CAMTA1: variants seen among roughly 807,000 people sequenced by gnomAD.
CAMTA1 encodes the protein calmodulin-binding transcription activator 1.
Under a neutral mutation model 170.9 loss-of-function variants are expected in CAMTA1, and 27 were observed. The ratio of observed to expected loss-of-function variants is 0.16; its 90% CI spans 0.12 to 0.22. The LOEUF is 0.22. Among genes scored for constraint, CAMTA1 ranks in the 10% least tolerant of loss-of-function variants. The pLI, the probability that CAMTA1 is intolerant of heterozygous loss-of-function variation, is 1.00. For synonymous variants in CAMTA1, 833 were observed against 891.5 expected, an observed-to-expected ratio of 0.93 and a Z score of 1.17; for missense variants, 1,619 against 2,217.2, an observed-to-expected ratio of 0.73 and a Z score of 5.42.
At chr1:7,743,842 T>TC (rs1388987441) in intron 16 of CAMTA1, among the ~76,000 whole-genome samples, 1 of 151,620 alleles carries the variant, frequency 6.6e-6, no homozygotes, top group African/African-American at 2.4e-5. Context: ...CTTTTTTTTT[T>TC]CTGAGACGGA....
At chr1:7,550,966 A>T (rs1253571930) in intron 6 of CAMTA1, among the ~76,000 whole-genome samples, 5 of 152,044 alleles carry the variant, frequency 3.3e-5, no homozygotes, top group Non-Finnish European at 5.9e-5. Context: ...CCTTCACAGG[A>T]AGGCAAAGTA....
intron 3 of CAMTA1, among the ~76,000 whole-genome samples, chr1:6,840,505 G>A (rs1464641688): frequency 3.9e-5 from 6 of 152,194 alleles, no homozygotes; most frequent in Non-Finnish European, 7.3e-5. Flanking sequence ...CAGCTACTGC[G>A]TTGGTGCTGG....
At chr1:7,183,623 A>G (rs763357342) in intron 4 of CAMTA1, among the ~76,000 whole-genome samples, 1 of 152,248 alleles carries the variant, frequency 6.6e-6, no homozygotes, top group African/African-American at 2.4e-5. Context: ...TACATGGCAC[A>G]GTGGATACTA....
In CAMTA1 at chr1:6,949,351, G is replaced by A. The variant is rs763056021; in HGVS notation, c.234+124141G>A. On this transcript the variant is annotated intron_variant, in intron 3 of 22. Coordinates refer to ENST00000303635, the MANE Select transcript of CAMTA1 (RefSeq NM_015215.4). Reference sequence around the variant, plus strand: ...TTCTGCTGACATCATGGGAGATCCCGCTTTGAACGCCCTCGAGGGCAGACA... The same window carrying A: ...TTCTGCTGACATCATGGGAGATCCCACTTTGAACGCCCTCGAGGGCAGACA... 2.0e-5 allele frequency among the ~76,000 whole-genome samples: 3 copies of A among 152,218 alleles called. No homozygotes were observed. The South Asian group carries it at 6.2e-4, about 31-fold the overall frequency.
At chr1:7,062,748 C>T (rs1158221299) in intron 3 of CAMTA1, among the ~76,000 whole-genome samples, 1 of 152,234 alleles carries the variant, frequency 6.6e-6, no homozygotes, top group Non-Finnish European at 1.5e-5. Context: ...CGAGGCCCGA[C>T]CTCCAAGTCC....
At chr1:7,292,418 T>C (rs1673279289) in intron 5 of CAMTA1, among the ~76,000 whole-genome samples, 1 of 152,194 alleles carries the variant, frequency 6.6e-6, no homozygotes, top group Non-Finnish European at 1.5e-5. Context: ...TGTGGATCTT[T>C]ATGGGAATTG....
chr1:6,871,287 C>T (rs1039415046), intron 3 of CAMTA1, among the ~76,000 whole-genome samples: 1 of 152,118 alleles, frequency 6.6e-6, no homozygotes, highest in African/African-American at 2.4e-5. Flanking sequence ...TTTATTTTAT[C>T]ATGTATCACT....
chr1:7,206,143 A>G (rs935135928), intron 4 of CAMTA1, among the ~76,000 whole-genome samples: 4 of 152,214 alleles, frequency 2.6e-5, no homozygotes, highest in South Asian at 2.1e-4. Context: ...TTATGTTCCC[A>G]TTGAGGCTTT....
chr1:7,669,477 C>A (rs1170596770), intron 9 of CAMTA1, among the ~76,000 whole-genome samples: 1 of 152,246 alleles, frequency 6.6e-6, no homozygotes, highest in Non-Finnish European at 1.5e-5. Flanking sequence ...CCAGGAGAGG[C>A]CAAGCAAGAA....
chr1:7,096,333 A>C (rs745562864), intron 4 of CAMTA1, among the ~76,000 whole-genome samples: 7 of 152,066 alleles, frequency 4.6e-5, no homozygotes, highest in Non-Finnish European at 7.4e-5. Context: ...TGGACATCAA[A>C]CTGTGATCCT....
intron 3 of CAMTA1, among the ~76,000 whole-genome samples, chr1:7,059,621 AAAC>A (rs1245964307): frequency 1.3e-5 from 2 of 152,066 alleles, no homozygotes; most frequent in Non-Finnish European, 2.9e-5. Context: ...CCCTGTCTCA[AAAC>A]AAAACAAAAA....
intron 3 of CAMTA1, among the ~76,000 whole-genome samples, chr1:7,043,707 T>C (rs1359737807): frequency 6.6e-6 from 1 of 152,132 alleles, no homozygotes; most frequent in Admixed American, 6.5e-5. Flanking sequence ...TGAAGGTTGG[T>C]TCCAGGGAAG....
intron 3 of CAMTA1, among the ~76,000 whole-genome samples, chr1:7,081,453 G>T (rs11120835): frequency 0.06 from 9,198 of 152,294 alleles, 315 homozygotes; most frequent in African/African-American, 0.095. Context: ...CAAAATAGAA[G>T]TTGGGGCAGT....
At chr1:7,169,522 T>G (rs932111052) in intron 4 of CAMTA1, among the ~76,000 whole-genome samples, 1 of 152,220 alleles carries the variant, frequency 6.6e-6, no homozygotes, top group Non-Finnish European at 1.5e-5. Flanking sequence ...GACTTTTTTT[T>G]TGTTGAATGG....
intron 5 of CAMTA1, among the ~76,000 whole-genome samples, chr1:7,462,537 G>A (rs2093114759): frequency 6.6e-6 from 1 of 152,188 alleles, no homozygotes; most frequent in Admixed American, 6.5e-5. Context: ...TTACAGGCAG[G>A]AACCACCACA....
chr1:6,981,523 C>T (rs955977340), intron 3 of CAMTA1, among the ~76,000 whole-genome samples: 6 of 152,178 alleles, frequency 3.9e-5, no homozygotes, highest in African/African-American at 9.7e-5. Flanking sequence ...GCCTTAACCT[C>T]CTGGGCTCAA....
rs113268720 is a variant in CAMTA1, at chr1:7,731,971, AT to A, written c.2915-468del. Among the ~76,000 whole-genome samples the A allele has an allele frequency of 6.2e-4, 93 of 149,912 alleles. 1 individual carries two copies. In the Middle Eastern group the frequency reaches 0.011, roughly 17 times the overall value. On this transcript the variant is annotated intron_variant, in intron 11 of 22. Transcript: ENST00000303635. ...GGCTCAGGAAATAAAATTTAAAACA[AT>A]TTTTTTTTGTAAAAACTCAGTGTTT...
chr1:7,159,123 C>T (rs929636449), intron 4 of CAMTA1, among the ~76,000 whole-genome samples: 1 of 151,354 alleles, frequency 6.6e-6, no homozygotes, highest in East Asian at 1.9e-4. Context: ...ATAGTGGGGT[C>T]TCAGGAGTAG....
chr1:7,411,975 T>A (rs2090807078), intron 5 of CAMTA1, among the ~76,000 whole-genome samples: 1 of 148,482 alleles, frequency 6.7e-6, no homozygotes, highest in Non-Finnish European at 1.5e-5. Context: ...GTTCTCATTG[T>A]TCAATTCCCA....
Sources: gnomAD v4.1 joint callset for allele counts (sites outside exome capture counted in the v4.1 genomes callset) on GRCh38, gnomAD v4.1.1 for gene constraint, MANE v1.5 for transcripts, NCBI Gene and HGNC (gene_info 2026-07-23, HGNC 2026-07-21) for gene names.